The following FRMPD4 variants were observed in gnomAD, a reference collection of about 807,000 sequenced individuals.
The protein encoded by FRMPD4 is FERM and PDZ domain-containing protein 4.
A neutral mutation model predicts 94.1 loss-of-function variants in FRMPD4; 22 were observed. The observed-to-expected ratio is 0.23, with a 90% CI of 0.17 to 0.33. The LOEUF (loss-of-function observed/expected upper bound fraction) is 0.33, where lower values mean the gene tolerates loss of function less well. Among genes scored for constraint, FRMPD4 ranks in the 10% least tolerant of loss-of-function variants. The pLI, the probability that FRMPD4 is intolerant of heterozygous loss-of-function variation, is 1.00. For missense variants in FRMPD4, 1,111 were observed against 1,339.9 expected, an observed-to-expected ratio of 0.83 and a Z score of 2.67; for synonymous variants, 631 against 548.6, an observed-to-expected ratio of 1.15 and a Z score of -2.10.
At chrX:12,710,603 A>C in intron 14 of FRMPD4, 66 bp downstream of exon 14, 6 of 1,019,125 alleles carry the variant, frequency 5.9e-6, no homozygotes, top group Non-Finnish European at 5.4e-6. Flanking sequence ...CAACAATAAT[A>C]AGGATGTTTT....
intron 1 of FRMPD4, among the ~76,000 whole-genome samples, chrX:12,330,209 C>G (rs2055350730): frequency 9.0e-6 from 1 of 111,040 alleles, no homozygotes; most frequent in South Asian, 3.8e-4. Context: ...GGACACAGCA[C>G]TTCAGCTATC....
chrX:12,377,756 G>A (rs1480105319), intron 1 of FRMPD4, among the ~76,000 whole-genome samples: 1 of 112,686 alleles, frequency 8.9e-6, no homozygotes, highest in African/African-American at 3.2e-5. Context: ...CGCGATGCTC[G>A]CAGAAGTGCA....
At chrX:12,657,840 A>AG (rs1364386796) in intron 4 of FRMPD4, among the ~76,000 whole-genome samples, 1 of 112,578 alleles carries the variant, frequency 8.9e-6, no homozygotes, top group Non-Finnish European at 1.9e-5. Flanking sequence ...AGGTTCTTAA[A>AG]TTTAAGTCTA....
At position 12,596,582 on chromosome X, in the gene FRMPD4, T is replaced by C. The variant is rs151099902; in HGVS notation, c.159-13139T>C. 2.5e-3 allele frequency among the ~76,000 whole-genome samples: 275 copies of C among 109,652 alleles called. 2 individuals carry two copies. The highest frequency in any genetic ancestry group is 8.7e-3 in the African/African-American group (263 of 30,140). On this transcript the variant is annotated intron_variant, in intron 2 of 16. Coordinates refer to ENST00000675598, the MANE Select transcript of FRMPD4 (RefSeq NM_001368397.1). ...CCTCCCAGTTCACTTTCTCTTGAGG[T>C]TGACCTTGCTTATCAACACCTCTAG...
intron 3 of FRMPD4, among the ~76,000 whole-genome samples, chrX:11,910,400 A>T (rs902945176): frequency 1.8e-5 from 2 of 112,317 alleles, no homozygotes; most frequent in Non-Finnish European, 3.8e-5. Flanking sequence ...ATTTATAGTA[A>T]TATAAGATTA....
At chrX:12,384,536 T>G (rs2056371045) in intron 1 of FRMPD4, among the ~76,000 whole-genome samples, 1 of 110,718 alleles carries the variant, frequency 9.0e-6, no homozygotes, top group Non-Finnish European at 1.9e-5. Flanking sequence ...AAAAAAAGAC[T>G]TACAATAATG....
At chrX:12,297,436 G>GA (rs34919050) in intron 1 of FRMPD4, among the ~76,000 whole-genome samples, 11,157 of 111,629 alleles carry the variant, frequency 0.1, 464 homozygotes, top group Admixed American at 0.17. Context: ...AATTATGAGA[G>GA]AAACAGAATT....
At chrX:12,504,525 A>T (rs2057958666) in intron 2 of FRMPD4, among the ~76,000 whole-genome samples, 1 of 112,305 alleles carries the variant, frequency 8.9e-6, no homozygotes, top group African/African-American at 3.2e-5. Flanking sequence ...ATGAAAGGTA[A>T]TTATGCCCTG....
chrX:12,479,499 T>TTA (rs1296370861), intron 1 of FRMPD4, among the ~76,000 whole-genome samples: 183 of 99,793 alleles, frequency 1.8e-3, no homozygotes, highest in African/African-American at 4.0e-3. Context: ...TACGTATATA[T>TTA]TATATATATA....
chrX:12,025,867 T>C (rs2054657890), intron 3 of FRMPD4, among the ~76,000 whole-genome samples: 1 of 112,065 alleles, frequency 8.9e-6, no homozygotes, highest in African/African-American at 3.2e-5. Flanking sequence ...TGCACTCTTG[T>C]GAGAAACCCT....
chrX:12,496,592 G>A (rs1303353560), intron 1 of FRMPD4, among the ~76,000 whole-genome samples: 2 of 112,046 alleles, frequency 1.8e-5, no homozygotes, highest in Admixed American at 1.9e-4. Flanking sequence ...CTGCAATTAC[G>A]ACCTGTGTCG....
intron 1 of FRMPD4, among the ~76,000 whole-genome samples, chrX:12,159,862 G>A (rs1055731758): frequency 1.2e-4 from 14 of 112,076 alleles, no homozygotes; most frequent in African/African-American, 4.5e-4. Context: ...AAGAAATATG[G>A]TAAGTACTAC....
intron 1 of FRMPD4, among the ~76,000 whole-genome samples, chrX:12,319,907 T>G (rs1167443019): frequency 8.9e-6 from 1 of 112,079 alleles, no homozygotes; most frequent in Non-Finnish European, 1.9e-5. Context: ...GGGAAGATGA[T>G]CTGAAGTTCT....
chrX:12,539,756 C>A (rs766166711), intron 2 of FRMPD4, among the ~76,000 whole-genome samples: 1 of 110,734 alleles, frequency 9.0e-6, no homozygotes, highest in East Asian at 2.8e-4. Flanking sequence ...GCCTCAGCCT[C>A]CCTAGTAGCT....
chrX:11,931,844 T>C (rs1248266848), intron 3 of FRMPD4, among the ~76,000 whole-genome samples: 1 of 112,129 alleles, frequency 8.9e-6, no homozygotes, highest in Non-Finnish European at 1.9e-5. Context: ...CAGTAAATAT[T>C]TGATGGATGG....
At chrX:11,852,355 T>C (rs966268486) in intron 1 of FRMPD4, among the ~76,000 whole-genome samples, 11 of 105,167 alleles carry the variant, frequency 1.0e-4, no homozygotes, top group Non-Finnish European at 2.1e-4. Flanking sequence ...GGTAGGAGAA[T>C]TGCCTGAGCC....
At position 11,941,252 on chromosome X, in the gene FRMPD4, G is replaced by A. The variant is rs921590425; in HGVS notation, c.95+63234G>A. 2.9e-4 allele frequency among the ~76,000 whole-genome samples: 15 copies of A among 52,077 alleles called. 6 individuals carry two copies. Among genetic ancestry groups the A allele is most frequent in the Non-Finnish European group, 5.5e-4 (12 of 21,687 alleles). The allele number at this position is 52,077 out of a possible 115,157, so 45.2% of individuals were successfully genotyped here. A position where few individuals can be genotyped will look rare whatever the true frequency, so the allele number is the denominator to read the frequency against. ...AAATGCAGAAATCACCGTCTTCTGC[G>A]TCGCTCACGCTGGGAGCTGTAGACC... On this transcript the variant is annotated intron_variant, in intron 3 of 18. Transcript: ENST00000640291.
intron 1 of FRMPD4, among the ~76,000 whole-genome samples, chrX:12,205,770 C>T (rs759243871): frequency 2.3e-4 from 26 of 112,167 alleles, no homozygotes; most frequent in African/African-American, 8.4e-4. Flanking sequence ...CAGCATTACC[C>T]CTTTCATTGC....
chrX:11,913,155 C>A (rs1444653959), intron 3 of FRMPD4, among the ~76,000 whole-genome samples: 1 of 112,140 alleles, frequency 8.9e-6, no homozygotes, highest in African/African-American at 3.2e-5. Flanking sequence ...CAGGGAGAGC[C>A]AGATAACATG....
Sources: allele counts gnomAD v4.1 joint callset (sites outside exome capture counted in the v4.1 genomes callset), GRCh38; gene constraint gnomAD v4.1.1; transcripts MANE v1.5; gene names NCBI Gene and HGNC (gene_info 2026-07-23, HGNC 2026-07-21).